AK9: variants seen among roughly 807,000 people sequenced by gnomAD.
AK9 encodes the protein adenylate kinase domain containing 1.
In AK9, 191 loss-of-function variants were observed where a neutral mutation model predicts 239.6. That is an observed-to-expected ratio of 0.80 (90% confidence interval 0.71 to 0.90). The LOEUF is 0.90. Among genes scored for constraint, AK9 ranks in the 40% least tolerant of loss-of-function variants. AK9 has a pLI of 0.00. For missense variants in AK9, 1,995 were observed against 2,214.7 expected (o/e 0.90, Z 1.99); for synonymous variants, 689 against 721.0 (o/e 0.96, Z 0.71).
Position 109,659,251 on chromosome 6 carries a change from C to G in AK9, c.607G>C (p.Glu203Gln), listed in dbSNP as rs1232299983. The G allele has an allele frequency of 6.3e-7, 1 of 1,583,912 alleles. No individual in the cohort carries two copies. ...ACCTCTTCTTCTTCTTGCTCTTCTT[C>G]CTCTTCTTCCTCTTCTCCTTTTCCG... ...KDGKGEEEEE[E>Q]EEQEEEEAFI... The change falls in exon 7 of 41, where the codon GAA (glutamate) becomes CAA (glutamine). Residue 203 changes from glutamate to glutamine, a missense_variant. Transcript: ENST00000424296.
At chr6:109,564,040 A>T in intron 23 of AK9, 40 bp downstream of exon 23, 1 of 1,505,764 alleles carries the variant, frequency 6.6e-7, no homozygotes, top group Non-Finnish European at 8.9e-7. Context: ...TAATACTATC[A>T]CCTGCTGTTG....
At position 109,586,091 on chromosome 6, in the gene AK9, T is replaced by C. The variant is rs1367963714; in HGVS notation, c.1843-19A>G. On this transcript the variant is annotated intron_variant, in intron 17 of 40. Coordinates refer to ENST00000424296, the MANE Select transcript of AK9 (RefSeq NM_001145128.3). ...CCATTACCTGTGAAAAATTGTACAC[T>C]GATATTACTATCATAGCTTGACAAG... 6.5e-7 allele frequency: 1 copy of C among 1,543,098 alleles called. No homozygotes were observed. The highest frequency in any genetic ancestry group is 2.0e-5 in the Admixed American group (1 of 49,646).
In AK9 at chr6:109,516,478, T is replaced by G; in HGVS notation, c.3798A>C (p.Glu1266Asp). ...TATCTGCTTCAAATTTTTCTCCTAG[T>G]TCACCTCTCAGGCGCTCAATTGCAT... ...ETDAIERLRGELGEKFEADTH... is the reference protein window; with the variant it reads ...ETDAIERLRGDLGEKFEADTH... Residue 1266 changes from glutamate (E) to aspartate (D), a missense_variant, in exon 30 of 41, where the codon GAA (glutamate) becomes GAC (aspartate). Glu to Asp is a conservative substitution (Grantham distance 45, BLOSUM62 2). This residue lies in a region of AK9 where 1,290 missense variants were observed against 1,392.7 expected (regional missense o/e 0.93). Transcript: ENST00000424296. 6.4e-7 allele frequency: 1 copy of G among 1,551,772 alleles called. No homozygotes were observed. The highest frequency in any genetic ancestry group is 8.7e-7 in the Non-Finnish European group (1 of 1,146,982).
At chr6:109,644,834 A>C (rs1248738162) in intron 8 of AK9, 146 bp from the exon 9 acceptor site, 1 of 574,222 alleles carries the variant, frequency 1.7e-6, no homozygotes. Context: ...TTCAATGCTC[A>C]AGAGATCTTT....
At position 109,675,766 on chromosome 6, in the gene AK9, A is replaced by G. The variant is rs1327251272; in HGVS notation, c.-11-10T>C. 2 of 1,459,672 alleles carry G rather than the reference A, an allele frequency of 1.4e-6. No homozygotes were observed. The highest frequency in any genetic ancestry group is 1.9e-6 in the Non-Finnish European group (2 of 1,063,734). The allele number at this position is 1,459,672 out of a possible 1,614,324, so 90.4% of individuals were successfully genotyped here. A position where few individuals can be genotyped will look rare whatever the true frequency, so the allele number is the denominator to read the frequency against. ...GTCATGACACAAAATACTACAATAA[A>G]AAAGGGTAAGATTGTTAACTTGTCT... On this transcript the variant is annotated splice_polypyrimidine_tract_variant and intron_variant, in intron 1 of 40. Coordinates refer to ENST00000424296, the MANE Select transcript of AK9 (RefSeq NM_001145128.3).
At chr6:109,570,984 C>T (rs1787344538) in intron 21 of AK9, among the ~76,000 whole-genome samples, 1 of 152,002 alleles carries the variant, frequency 6.6e-6, no homozygotes, top group Admixed American at 6.6e-5. Context: ...GTGTAGAAGA[C>T]AATGAAGCAA....
At chr6:109,676,269 T>C (rs7749605) in intron 1 of AK9, among the ~76,000 whole-genome samples, 13,027 of 152,130 alleles carry the variant, frequency 0.086, 904 homozygotes, top group African/African-American at 0.19. Context: ...TAAGAACATA[T>C]ATTTATTTTA....
rs551497028 is a variant in AK9, at chr6:109,503,204, T to C, written c.4849+3123A>G. Among the ~76,000 whole-genome samples, 135 of 152,036 alleles carry C rather than the reference T, an allele frequency of 8.9e-4. 1 individual carries two copies. The South Asian group carries it at 0.027, about 31-fold the overall frequency. On this transcript the variant is annotated intron_variant, in intron 35 of 40. Transcript: ENST00000424296. ...TATATAGTATTATTAAGGTATATAG[T>C]ATTATAATACAAAGTATTATATTAT...
chr6:109,669,314 T>C (rs903845993), intron 5 of AK9, among the ~76,000 whole-genome samples: 3 of 152,116 alleles, frequency 2.0e-5, no homozygotes, highest in South Asian at 2.1e-4. Context: ...TTTCTAGGTA[T>C]ACAATCATGT....
rs778791291 is a variant in AK9 at position 109,614,493 on chromosome 6, A to C, written c.1400-13T>G. On this transcript the variant is annotated splice_polypyrimidine_tract_variant and intron_variant, in intron 13 of 40. Coordinates refer to ENST00000424296, the MANE Select transcript of AK9 (RefSeq NM_001145128.3). ...AAAGCTGTTTCAGCTGAAATATAAC[A>C]ATGGGTGGTGTTAGCAAAACGTAGT... 102 of 1,548,362 alleles carry C rather than the reference A, an allele frequency of 6.6e-5. No homozygotes were observed. Among genetic ancestry groups the C allele is most frequent in the Non-Finnish European group, 8.8e-5 (101 of 1,144,818 alleles).
At chr6:109,623,432 T>C (rs1317041958) in intron 12 of AK9, among the ~76,000 whole-genome samples, 3 of 152,124 alleles carry the variant, frequency 2.0e-5, no homozygotes, top group Non-Finnish European at 4.4e-5. Flanking sequence ...TGAGGACACA[T>C]AAGCAGTCCT....
intron 24 of AK9, among the ~76,000 whole-genome samples, chr6:109,552,493 A>T (rs947103368): frequency 3.3e-5 from 5 of 152,152 alleles, no homozygotes; most frequent in African/African-American, 1.2e-4. Flanking sequence ...TGCCCACATA[A>T]ATGTCTTCTT....
Position 109,497,853 on chromosome 6 carries a change from G to A in AK9, c.5159C>T (p.Pro1720Leu). The A allele has an allele frequency of 4.3e-6, 7 of 1,613,944 alleles. No homozygotes were observed. Among genetic ancestry groups the A allele is most frequent in the Non-Finnish European group, 5.1e-6 (6 of 1,179,876 alleles). ...LTLSELKSRF[P>L]KCAELQGYCP... is the part of the protein sequence containing the mutation. ...GTAGCCCTGGAGCTCCGCACACTTA[G>A]GGAATCGACTCTTCAGCTCTGACAG... The change falls in exon 37 of 41, where the codon CCT becomes CTT. Residue 1720 changes from proline to leucine, a missense_variant. Physicochemically the swap from Pro to Leu is moderately conservative, Grantham distance 98. Around this residue, in one of 5 missense-constraint regions of AK9, gnomAD observed 391 missense variants for 456.0 expected, o/e 0.86. Coordinates refer to ENST00000424296, the MANE Select transcript of AK9 (RefSeq NM_001145128.3).
intron 20 of AK9, among the ~76,000 whole-genome samples, chr6:109,575,288 T>C (rs984626261): frequency 1.3e-5 from 2 of 152,202 alleles, no homozygotes; most frequent in African/African-American, 4.8e-5. Flanking sequence ...TGGTTTACAT[T>C]CCCACAAGCA....
Position 109,516,553 on chromosome 6 carries a change from T to C in AK9, c.3723A>G (p.Pro1241=). 2 of 1,551,584 alleles carry C rather than the reference T, an allele frequency of 1.3e-6. No homozygotes were observed. Among genetic ancestry groups the C allele is most frequent in the Non-Finnish European group, 1.7e-6 (2 of 1,146,980 alleles). ...DIENILEDEF[P]KDEEEMSGEE... ...CGCCACTCATCTCTTCCTCATCTTT[T>C]GGAAACTCATCTTCAAGGATGTTTT... Residue 1241 remains proline (P), a synonymous_variant, in exon 30 of 41, where the codon CCA becomes CCG. Transcript: ENST00000424296.
Position 109,533,395 on chromosome 6 carries a change from GA to G in AK9, c.3425del (p.Phe1142SerfsTer29), listed in dbSNP as rs746187580. ...CTTGTATAAAAACAGCTGCATCTGG[GA>G]AAAATCCACGATCTCCCAAAAACTG... ...EAQFLGDRGF[F>X]PDAAVFIQVD... On this transcript the variant is annotated frameshift_variant, in exon 28 of 41. Transcript: ENST00000424296. LOFTEE classifies it high-confidence loss of function. 1 of 1,609,972 alleles carries G rather than the reference GA, an allele frequency of 6.2e-7. No individual in the cohort carries two copies. Among genetic ancestry groups the G allele is most frequent in the South Asian group, 1.1e-5 (1 of 89,918 alleles).
In AK9 at chr6:109,612,080, A is replaced by T; in HGVS notation, c.1623T>A (p.Thr541=). 1 of 1,539,152 alleles carries T rather than the reference A, an allele frequency of 6.5e-7. No homozygotes were observed. The highest frequency in any genetic ancestry group is 8.8e-7 in the Non-Finnish European group (1 of 1,141,424). The change falls in exon 16 of 41, where the codon ACT becomes ACA. Residue 541 remains threonine (T), a synonymous_variant. Coordinates refer to ENST00000424296, the MANE Select transcript of AK9 (RefSeq NM_001145128.3). ...GCCTTTTAAATGTGAATGTTTCACC[A>T]GTTTCTTTTCCATCTGTGAATAAAA... ...AKVDKDDGKE[T]GETFTFKRHS...
At chr6:109,542,614 C>T (rs17070701) in intron 26 of AK9, among the ~76,000 whole-genome samples, 3,061 of 152,080 alleles carry the variant, frequency 0.02, 83 homozygotes, top group East Asian at 0.11. Context: ...TTAGAAAACC[C>T]CAAAATCTAT....
chr6:109,683,523 C>T (rs1048762735), intron 1 of AK9, among the ~76,000 whole-genome samples: 4 of 152,194 alleles, frequency 2.6e-5, no homozygotes, highest in African/African-American at 9.7e-5. Flanking sequence ...CCAAAATCTC[C>T]TTAAGCTGAT....
Sources: gnomAD v4.1 joint callset for allele counts (sites outside exome capture counted in the v4.1 genomes callset) on GRCh38, gnomAD v4.1.1 for gene constraint, gnomAD v4.1.1 regional missense constraint, MANE v1.5 for transcripts, NCBI Gene and HGNC (gene_info 2026-07-23, HGNC 2026-07-21) for gene names.